The following AGO3 variants were observed in gnomAD, a reference collection of about 807,000 sequenced individuals.
AGO3 encodes the protein protein argonaute-3.
A neutral mutation model predicts 105.5 loss-of-function variants in AGO3; 16 were observed. That is an observed-to-expected ratio of 0.15 (90% CI 0.10 to 0.23). AGO3 has a LOEUF of 0.23. AGO3 is among the 10% of genes least tolerant of loss of function. The pLI is 1.00. For synonymous variants in AGO3, 340 were observed against 367.3 expected (o/e 0.93, Z 0.85); for missense variants, 534 against 1,088.0 (o/e 0.49, Z 7.16).
At chr1:35,967,340 C>T (rs1646791792) in intron 3 of AGO3, among the ~76,000 whole-genome samples, 2 of 151,982 alleles carry the variant, frequency 1.3e-5, no homozygotes, top group African/African-American at 4.8e-5. Context: ...CTTGTACATA[C>T]ATACTTATTT....
chr1:35,993,830 C>G (rs952548300), intron 5 of AGO3, among the ~76,000 whole-genome samples: 2 of 147,252 alleles, frequency 1.4e-5, no homozygotes, highest in African/African-American at 2.5e-5. Flanking sequence ...TCACTGCAAC[C>G]TCCACCTCTC....
intron 2 of AGO3, among the ~76,000 whole-genome samples, chr1:35,947,274 A>G (rs1646384232): frequency 6.6e-6 from 1 of 151,828 alleles, no homozygotes; most frequent in Non-Finnish European, 1.5e-5. Context: ...ATGTTATCAG[A>G]TACTGCTTTA....
chr1:35,959,751 C>G (rs1646640090), intron 2 of AGO3, among the ~76,000 whole-genome samples: 1 of 151,842 alleles, frequency 6.6e-6, no homozygotes, highest in Non-Finnish European at 1.5e-5. Flanking sequence ...TGTTAATTAC[C>G]AGAATTATTC....
At chr1:36,026,439 T>TA (rs1293633184) in intron 11 of AGO3, among the ~76,000 whole-genome samples, 1 of 152,096 alleles carries the variant, frequency 6.6e-6, no homozygotes, top group African/African-American at 2.4e-5. Flanking sequence ...TTTTATATTT[T>TA]AAAAAAATCC....
intron 9 of AGO3, among the ~76,000 whole-genome samples, chr1:36,012,928 C>A (rs994664120): frequency 6.6e-6 from 1 of 151,554 alleles, no homozygotes; most frequent in Non-Finnish European, 1.5e-5. Context: ...GTTTTATTAT[C>A]ATTTTCATGG....
chr1:35,982,616 T>C, intron 5 of AGO3: 1 of 717,596 alleles, frequency 1.4e-6, no homozygotes, highest in Non-Finnish European at 2.6e-6. Context: ...ATATTTGTTT[T>C]CCAGAAAGAG....
At chr1:35,976,886 A>T (rs1289359830) in intron 5 of AGO3, among the ~76,000 whole-genome samples, 1 of 152,124 alleles carries the variant, frequency 6.6e-6, no homozygotes, top group Admixed American at 6.6e-5. Context: ...AAAATTCAGA[A>T]GTTTTCCATT....
intron 2 of AGO3, among the ~76,000 whole-genome samples, chr1:35,959,623 T>C (rs1333082329): frequency 6.6e-6 from 1 of 152,170 alleles, no homozygotes; most frequent in African/African-American, 2.4e-5. Flanking sequence ...TTTAACAATA[T>C]ACACTTAAAT....
intron 17 of AGO3, among the ~76,000 whole-genome samples, chr1:36,049,258 G>A (rs576829287): frequency 1.5e-4 from 23 of 152,170 alleles, no homozygotes; most frequent in South Asian, 1.0e-3. Flanking sequence ...AGTGGCTCAC[G>A]CCTGTAATCC....
intron 16 of AGO3, among the ~76,000 whole-genome samples, 188 bp downstream of exon 16, chr1:36,040,629 C>T (rs1181147023): frequency 6.6e-6 from 1 of 152,170 alleles, no homozygotes; most frequent in Non-Finnish European, 1.5e-5. Context: ...TCTAGTCACA[C>T]TCCAAATATT....
At chr1:35,951,708 A>G (rs535348007) in intron 2 of AGO3, among the ~76,000 whole-genome samples, 69 of 152,220 alleles carry the variant, frequency 4.5e-4, no homozygotes, top group Non-Finnish European at 8.4e-4. Context: ...AATTTTAGAA[A>G]GAAAAAAGTA....
chr1:35,965,137 A>C lies in AGO3; in HGVS notation c.192-1818A>C, dbSNP rs139516125. On this transcript the variant is annotated intron_variant, in intron 2 of 18. Transcript: ENST00000373191. Reference sequence around the variant, plus strand: ...ATACCAGTTTACTGTTGAGTTAAAAAAAAAAATGACAAAATGGTTAAAACA... The same window carrying C: ...ATACCAGTTTACTGTTGAGTTAAAACAAAAAATGACAAAATGGTTAAAACA... Among the ~76,000 whole-genome samples, 612 of 152,162 alleles carry C rather than the reference A, an allele frequency of 4.0e-3. 11 individuals are homozygous for C. The highest frequency in any genetic ancestry group is 0.018 in the East Asian group (91 of 5,186).
chr1:35,981,668 A>G (rs1296675895), intron 5 of AGO3, among the ~76,000 whole-genome samples: 1 of 152,240 alleles, frequency 6.6e-6, no homozygotes, highest in African/African-American at 2.4e-5. Context: ...ACAAAAGAGC[A>G]TGCCTCACTT....
chr1:35,965,154 G>A (rs1440366007), intron 2 of AGO3, among the ~76,000 whole-genome samples: 1 of 151,736 alleles, frequency 6.6e-6, no homozygotes, highest in Non-Finnish European at 1.5e-5. Context: ...TGACAAAATG[G>A]TTAAAACATC....
chr1:36,033,529 C>T (rs1641875551), intron 12 of AGO3, among the ~76,000 whole-genome samples: 1 of 151,230 alleles, frequency 6.6e-6, no homozygotes, highest in Non-Finnish European at 1.5e-5. Context: ...CCTGTAGTTC[C>T]AGCCACTTGG....
chr1:35,942,109 A>G (rs1040233257), intron 1 of AGO3, among the ~76,000 whole-genome samples: 3 of 152,222 alleles, frequency 2.0e-5, no homozygotes, highest in Non-Finnish European at 4.4e-5. Context: ...ATCTCAGGCT[A>G]GGATAGGAAA....
chr1:36,009,661 A>G (rs1640499677), intron 9 of AGO3, 67 bp downstream of exon 9: 30 of 1,494,860 alleles, frequency 2.0e-5, no homozygotes, highest in Admixed American at 6.3e-5. Context: ...CTAGAGAACC[A>G]TGTCCTTATC....
At chr1:35,989,879 AAAAAT>A (rs1363282205) in intron 5 of AGO3, among the ~76,000 whole-genome samples, 1 of 152,178 alleles carries the variant, frequency 6.6e-6, no homozygotes, top group African/African-American at 2.4e-5. Context: ...GTCTCAAAAA[AAAAAT>A]AAAAAGACCA....
intron 5 of AGO3, chr1:35,982,567 G>C (rs1177945809): frequency 1.4e-6 from 1 of 703,626 alleles, no homozygotes; most frequent in African/African-American, 1.8e-5. Context: ...TTTAGATAGG[G>C]ATACTTCAAA....
Sources: gnomAD v4.1 joint callset for allele counts (sites outside exome capture counted in the v4.1 genomes callset) on GRCh38, gnomAD v4.1.1 for gene constraint, MANE v1.5 for transcripts, NCBI Gene and HGNC (gene_info 2026-07-23, HGNC 2026-07-21) for gene names.